ZNF813: variants seen among roughly 807,000 people sequenced by gnomAD.
The protein encoded by ZNF813 is zinc finger protein 813.
A neutral mutation model predicts 7.2 loss-of-function variants in ZNF813; 3 were observed. The ratio of observed to expected loss-of-function variants is 0.42; its 90% confidence interval spans 0.19 to 1.08. The LOEUF is 1.08. Among genes scored for constraint, ZNF813 ranks in the 50% least tolerant of loss-of-function variants. The pLI, the probability that ZNF813 is intolerant of heterozygous loss-of-function variation, is 0.30. For synonymous variants in ZNF813, 227 were observed against 256.3 expected (o/e 0.89, Z 1.09); for missense variants, 714 against 753.3 (o/e 0.95, Z 0.61).
In ZNF813 at chr19:53,472,669, A is replaced by G. The variant is rs560982112; in HGVS notation, c.-74+4880A>G. 4.8e-4 allele frequency among the ~76,000 whole-genome samples: 69 copies of G among 142,710 alleles called. 1 individual carries two copies. The highest frequency in any genetic ancestry group is 8.7e-4 in the Non-Finnish European group (58 of 66,658). 93.6% of individuals were successfully genotyped at this position (142,710 alleles called of 152,430 possible). ...CTCTTGTTGCCCAGGCTGGAGTGCA[A>G]TGACATGATCATGGCTCACCACAAC... On this transcript the variant is annotated intron_variant, in intron 1 of 3. Transcript: ENST00000396403.
chr19:53,488,196 G>C, intron 3 of ZNF813: 1 of 451,596 alleles, frequency 2.2e-6, no homozygotes, highest in South Asian at 1.6e-5. Flanking sequence ...GGCTAATTTT[G>C]TGTTTTAATA....
rs114035710 is a variant in ZNF813 at position 53,495,808 on chromosome 19, A to G, written c.*3722A>G. 2,785 of 153,502 alleles carry G rather than the reference A, an allele frequency of 0.018. 91 individuals are homozygous for G. The highest frequency in any genetic ancestry group is 0.062 in the African/African-American group (2,584 of 41,516). 9.5% of individuals were successfully genotyped at this position (153,502 alleles called of 1,614,324 possible). ...ACTTTGTCTCAAAAAAAAATAAATA[A>G]ATAAAAAATAAAATATGTCAAGCCC... On this transcript the variant is annotated 3_prime_UTR_variant, in exon 4 of 4. Transcript: ENST00000396403.
intron 1 of ZNF813, among the ~76,000 whole-genome samples, chr19:53,470,060 GCATAA>G (rs2086349787): frequency 1.3e-5 from 2 of 152,056 alleles, no homozygotes; most frequent in African/African-American, 4.8e-5. Context: ...CTATAGCATA[GCATAA>G]CTTGTGGCCT....
chr19:53,481,344 C>CTTTTTT (rs66842546), intron 1 of ZNF813, among the ~76,000 whole-genome samples: 1,267 of 106,260 alleles, frequency 0.012, 120 homozygotes, highest in African/African-American at 0.046. Flanking sequence ...CCCATGTATT[C>CTTTTTT]TTTTTTTTTT....
intron 1 of ZNF813, among the ~76,000 whole-genome samples, chr19:53,478,272 C>G (rs979834669): frequency 6.6e-6 from 1 of 152,102 alleles, no homozygotes; most frequent in African/African-American, 2.4e-5. Context: ...TGGGCTTAAG[C>G]GATCCTCCTA....
chr19:53,476,207 C>T (rs2086380932), intron 1 of ZNF813, among the ~76,000 whole-genome samples: 1 of 152,180 alleles, frequency 6.6e-6, no homozygotes, highest in African/African-American at 2.4e-5. Flanking sequence ...GGAAGAGATC[C>T]TGGGTTCCCC....
At chr19:53,479,566 CT>C (rs1286700522) in intron 1 of ZNF813, 1 of 1,165,302 alleles carries the variant, frequency 8.6e-7, no homozygotes, top group African/African-American at 1.5e-5. Context: ...GGCCACTGCC[CT>C]GCAAAAGCTG....
Position 53,491,755 on chromosome 19 carries a change from C to T in ZNF813, c.1523C>T (p.Thr508Ile), listed in dbSNP as rs1441042007. The T allele has an allele frequency of 1.3e-6, 2 of 1,572,440 alleles. No homozygotes were observed. The highest frequency in any genetic ancestry group is 2.3e-5 in the South Asian group (2 of 88,738). ...TGTGGCAAGGGTTTTAATCGGAAAA[C>T]ACACCTTGCATGTCATCATAGACTT... is the stretch of plus-strand genomic sequence containing the variant. ...NECGKGFNRKTHLACHHRLHT... is the reference protein window; with the variant it reads ...NECGKGFNRKIHLACHHRLHT... Residue 508 changes from threonine to isoleucine, a missense_variant, in exon 4 of 4, where the codon ACA (threonine) becomes ATA (isoleucine). Physicochemically the swap from Thr to Ile is moderately conservative, Grantham distance 89. Coordinates refer to ENST00000396403, the MANE Select transcript of ZNF813 (RefSeq NM_001004301.4).
rs58697128 is a variant in ZNF813 at position 53,495,993 on chromosome 19, G to A, written c.*3907G>A. 0.015 allele frequency: 5,509 copies of A among 375,724 alleles called. 487 individuals carry two copies. Among genetic ancestry groups the A allele is most frequent in the African/African-American group, 0.1 (4,773 of 47,510 alleles). 23.3% of individuals were successfully genotyped at this position (375,724 alleles called of 1,614,324 possible). On this transcript the variant is annotated 3_prime_UTR_variant, in exon 4 of 4. Transcript: ENST00000396403. Reference sequence around the variant, plus strand: ...CAAAACTGGTAATAAAATCAGGTACGACTCCAAAAGGAGACATTGGAGAAG... The same window carrying A: ...CAAAACTGGTAATAAAATCAGGTACAACTCCAAAAGGAGACATTGGAGAAG...
intron 1 of ZNF813, among the ~76,000 whole-genome samples, chr19:53,477,438 TTG>T (rs67317160): frequency 0.23 from 35,382 of 151,868 alleles, 4,338 homozygotes; most frequent in South Asian, 0.32. Context: ...CCCACGTGGG[TTG>T]TCCTCAGCCT....
rs1399630563 is a variant in ZNF813, at chr19:53,494,318, G to A, written c.*2232G>A. 1.3e-5 allele frequency: 2 copies of A among 152,124 alleles called. No individual in the cohort carries two copies. The highest frequency in any genetic ancestry group is 2.4e-5 in the African/African-American group (1 of 41,416). The allele number at this position is 152,124 out of a possible 1,614,324, so 9.4% of individuals were successfully genotyped here. ...TATGTCTGAACAGGTCCTAGTTTGA[G>A]GCACCCAGAAGGATAAGACATGAGT... is the stretch of plus-strand genomic sequence containing the variant. On this transcript the variant is annotated 3_prime_UTR_variant, in exon 4 of 4. Coordinates refer to ENST00000396403, the MANE Select transcript of ZNF813 (RefSeq NM_001004301.4).
chr19:53,476,693 G>A (rs1417507575), intron 1 of ZNF813, among the ~76,000 whole-genome samples: 4 of 151,366 alleles, frequency 2.6e-5, no homozygotes, highest in Admixed American at 6.6e-5. Flanking sequence ...TCACTCTGTC[G>A]CCGACGCTTA....
intron 1 of ZNF813, chr19:53,479,841 A>G (rs2086399068): frequency 2.8e-6 from 3 of 1,082,738 alleles, no homozygotes; most frequent in Admixed American, 1.7e-5. Flanking sequence ...CTGATGGACC[A>G]GAACCTGAAG....
chr19:53,479,170 G>A (rs1312881241), intron 1 of ZNF813, among the ~76,000 whole-genome samples: 2 of 152,130 alleles, frequency 1.3e-5, no homozygotes, highest in Non-Finnish European at 2.9e-5. Context: ...CCTGACCTCA[G>A]GTGATCCACT....
chr19:53,484,012 G>T (rs573068367), intron 2 of ZNF813, among the ~76,000 whole-genome samples, 175 bp downstream of exon 2: 2 of 152,132 alleles, frequency 1.3e-5, no homozygotes, highest in South Asian at 4.2e-4. Flanking sequence ...TTGTGACCGA[G>T]TGACATGAAC....
Position 53,492,956 on chromosome 19 carries a change from T to C in ZNF813, c.*870T>C. ...GAGAATGCACACTGGACGGAAATCT[T>C]ACAAATGTCATCAGTGTGGCAAGGT... On this transcript the variant is annotated 3_prime_UTR_variant, in exon 4 of 4. Coordinates refer to ENST00000396403, the MANE Select transcript of ZNF813 (RefSeq NM_001004301.4). The C allele has an allele frequency of 2.1e-6, 1 of 470,426 alleles. No homozygotes were observed. Among genetic ancestry groups the C allele is most frequent in the South Asian group, 1.5e-5 (1 of 64,816 alleles). 29.1% of individuals were successfully genotyped at this position (470,426 alleles called of 1,614,324 possible). A position where few individuals can be genotyped will look rare whatever the true frequency, so the allele number is the denominator to read the frequency against.
chr19:53,495,048 G>A lies in ZNF813; in HGVS notation c.*2962G>A, dbSNP rs144715180. The A allele has an allele frequency of 0.01, 1,570 of 152,184 alleles. 15 individuals are homozygous for A. Among genetic ancestry groups the A allele is most frequent in the Non-Finnish European group, 0.015 (1,011 of 68,036 alleles). 9.4% of individuals were successfully genotyped at this position (152,184 alleles called of 1,614,324 possible). A position where few individuals can be genotyped will look rare whatever the true frequency, so the allele number is the denominator to read the frequency against. On this transcript the variant is annotated 3_prime_UTR_variant, in exon 4 of 4. Transcript: ENST00000396403. ...CAAAAAAAAAAATACTTCTTGTAAA[G>A]TTTGGGTAGAGGAATAATGAAATCA...
In ZNF813 at chr19:53,491,649, G is replaced by A. The variant is rs2086463164; in HGVS notation, c.1417G>A (p.Gly473Ser). 6.2e-7 allele frequency: 1 copy of A among 1,613,904 alleles called. No individual in the cohort carries two copies. The highest frequency in any genetic ancestry group is 1.3e-5 in the African/African-American group (1 of 75,030). Residue 473 changes from glycine to serine, a missense_variant, in exon 4 of 4, where the codon GGC becomes AGC. By Grantham distance (56) the Gly-to-Ser change is moderately conservative (BLOSUM62 0). Coordinates refer to ENST00000396403, the MANE Select transcript of ZNF813 (RefSeq NM_001004301.4). ...GAAACGTTACAAGTGTAATGAGTGTGGCAAGACGTTCAGTCGAATTTCAGC... is the reference window on the plus strand; with the variant it reads ...GAAACGTTACAAGTGTAATGAGTGTAGCAAGACGTTCAGTCGAATTTCAGC... ...GEKRYKCNEC[G>S]KTFSRISALV...
rs1473762682 is a variant in ZNF813, at chr19:53,491,675, C to T, written c.1443C>T (p.Ala481=). Residue 481 remains alanine (A), a synonymous_variant, in exon 4 of 4, where the codon GCC becomes GCT. Transcript: ENST00000396403. Reference sequence around the variant, plus strand: ...GCAAGACGTTCAGTCGAATTTCAGCCCTCGTAATTCATACGGCAATTCATA... The same window carrying T: ...GCAAGACGTTCAGTCGAATTTCAGCTCTCGTAATTCATACGGCAATTCATA... ...ECGKTFSRIS[A]LVIHTAIHTG... is the part of the protein sequence containing the mutation. 1 of 1,613,846 alleles carries T rather than the reference C, an allele frequency of 6.2e-7. No homozygotes were observed. The highest frequency in any genetic ancestry group is 2.2e-5 in the East Asian group (1 of 44,858).
Sources: allele counts gnomAD v4.1 joint callset (sites outside exome capture counted in the v4.1 genomes callset), GRCh38; gene constraint gnomAD v4.1.1; transcripts MANE v1.5; gene names NCBI Gene and HGNC (gene_info 2026-07-23, HGNC 2026-07-21).